The following PIEZO2 variants were observed in gnomAD, a reference collection of about 807,000 sequenced individuals.
PIEZO2 encodes piezo-type mechanosensitive ion channel component 2.
PIEZO2 carries 172 observed loss-of-function variants against 337.3 expected under a neutral mutation model. The ratio of observed to expected loss-of-function variants is 0.51; its 90% CI spans 0.45 to 0.58. PIEZO2 has a LOEUF of 0.58. PIEZO2 is among the 20% of genes least tolerant of loss of function. The pLI, the probability that PIEZO2 is intolerant of heterozygous loss-of-function variation, is 0.00. For synonymous variants in PIEZO2, 1,251 were observed against 1,228.5 expected (o/e 1.02, Z -0.38); for missense variants, 3,028 against 3,391.3 (o/e 0.89, Z 2.66).
intron 40 of PIEZO2, among the ~76,000 whole-genome samples, chr18:10,706,644 T>A (rs1450191004): frequency 6.6e-6 from 1 of 152,208 alleles, no homozygotes; most frequent in Non-Finnish European, 1.5e-5. Flanking sequence ...CTCATATCCT[T>A]TGTCTCCTTC....
At chr18:10,812,682 T>A (rs1386155052) in intron 7 of PIEZO2, among the ~76,000 whole-genome samples, 5 of 152,152 alleles carry the variant, frequency 3.3e-5, no homozygotes. Flanking sequence ...TCATTATAGC[T>A]GTCCCTCCAC....
chr18:11,017,433 C>G (rs1309368517), intron 2 of PIEZO2, among the ~76,000 whole-genome samples: 1 of 150,722 alleles, frequency 6.6e-6, no homozygotes, highest in Non-Finnish European at 1.5e-5. Flanking sequence ...ACAATAAACA[C>G]AATCTTTATG....
chr18:10,923,403 T>A (rs2031541070), intron 3 of PIEZO2, among the ~76,000 whole-genome samples: 1 of 152,180 alleles, frequency 6.6e-6, no homozygotes, highest in South Asian at 2.1e-4. Flanking sequence ...GTACTCCACC[T>A]CCAGGGATGT....
In PIEZO2 at chr18:10,681,558, C is replaced by T. The variant is rs62093957; in HGVS notation, c.7779+103G>A. Reference sequence around the variant, plus strand: ...TGTAACTGATAAACCCTGAAAAGTCCTCCTTCCCACCACCTCAGGCCATGG... The same window carrying T: ...TGTAACTGATAAACCCTGAAAAGTCTTCCTTCCCACCACCTCAGGCCATGG... On this transcript the variant is annotated intron_variant, in intron 51 of 55. Coordinates refer to ENST00000674853, the MANE Select transcript of PIEZO2 (RefSeq NM_001378183.1). 0.016 allele frequency: 15,034 copies of T among 927,288 alleles called. 207 individuals are homozygous for T. The highest frequency in any genetic ancestry group is 0.044 in the Middle Eastern group (199 of 4,544). The allele number at this position is 927,288 out of a possible 1,614,324, so 57.4% of individuals were successfully genotyped here.
Position 10,812,715 on chromosome 18 carries a change from AC to A in PIEZO2, c.918-5442del, listed in dbSNP as rs1433116336. On this transcript the variant is annotated intron_variant, in intron 7 of 55. Coordinates refer to ENST00000674853, the MANE Select transcript of PIEZO2 (RefSeq NM_001378183.1). ...CACTCCTCACGGAGCACTTACTTGC[AC>A]GCTTTTCTCTCTCTCTGAAGCACTC... 5.9e-5 allele frequency among the ~76,000 whole-genome samples: 9 copies of A among 152,074 alleles called. No homozygotes were observed. In the East Asian group the frequency reaches 1.8e-3, roughly 30 times the overall value.
chr18:10,717,922 T>G (rs755690287), intron 37 of PIEZO2, among the ~76,000 whole-genome samples: 4 of 152,220 alleles, frequency 2.6e-5, no homozygotes, highest in Non-Finnish European at 5.9e-5. Flanking sequence ...ATTAAGAATT[T>G]GCTCCCTAAA....
chr18:10,681,664 G>A lies in PIEZO2; in HGVS notation c.7776C>T (p.Asp2592=). 1 of 1,583,612 alleles carries A rather than the reference G, an allele frequency of 6.3e-7. No homozygotes were observed. The highest frequency in any genetic ancestry group is 8.7e-7 in the Non-Finnish European group (1 of 1,152,452). Residue 2592 remains aspartate, a synonymous_variant, in exon 51 of 56, where the codon GAC becomes GAT. Transcript: ENST00000674853. ...FNKFIQAFSR[D]TGAMQFLENY... is the part of the protein sequence containing the mutation. ...TCTACTATAGGGATTTACTTACGGT[G>A]TCCCTAGAAAAAGCTTGTATAAATT...
chr18:10,720,394 TG>T lies in PIEZO2; in HGVS notation c.5030-2136del. On this transcript the variant is annotated intron_variant, in intron 36 of 55. Coordinates refer to ENST00000674853, the MANE Select transcript of PIEZO2 (RefSeq NM_001378183.1). The stretch of plus-strand genomic sequence containing the variant: ...GTGTGTGTGTGTGTGTGTGTGTGTG[TG>T]TGTGTGTGTATGTGTATGTGTATGT... Among the ~76,000 whole-genome samples the T allele has an allele frequency of 1.2e-4, 3 of 24,128 alleles. 1 individual carries two copies. Among genetic ancestry groups the T allele is most frequent in the East Asian group, 2.1e-3 (2 of 964 alleles). 15.8% of individuals were successfully genotyped at this position (24,128 alleles called of 152,430 possible).
rs868218646 is a variant in PIEZO2 at position 11,019,981 on chromosome 18, G to A, written c.161-40321C>T. Among the ~76,000 whole-genome samples, 14 of 152,310 alleles carry A rather than the reference G, an allele frequency of 9.2e-5. No homozygotes were observed. The South Asian group carries it at 2.7e-3, about 29-fold the overall frequency. ...CATGTACAATAAGTGTTTGTGTAAT[G>A]AGTGCATGAACTCTCTTGGGGATGA... On this transcript the variant is annotated intron_variant, in intron 2 of 55. Transcript: ENST00000674853.
intron 3 of PIEZO2, among the ~76,000 whole-genome samples, chr18:10,960,249 T>C (rs264192): frequency 0.49 from 75,101 of 151,972 alleles, 18,753 homozygotes; most frequent in Non-Finnish European, 0.51. Flanking sequence ...TTTTAAATAT[T>C]TTAAATGTAG....
At chr18:11,100,932 T>C (rs2039403607) in intron 1 of PIEZO2, among the ~76,000 whole-genome samples, 3 of 152,178 alleles carry the variant, frequency 2.0e-5, no homozygotes, top group African/African-American at 2.4e-5. Flanking sequence ...CAAATGCCTT[T>C]CAATGCCTGG....
intron 7 of PIEZO2, among the ~76,000 whole-genome samples, chr18:10,845,003 A>C (rs1429965560): frequency 1.3e-5 from 2 of 152,168 alleles, no homozygotes; most frequent in African/African-American, 4.8e-5. Context: ...CTATATTTAC[A>C]TGTTATTATA....
Position 10,726,988 on chromosome 18 carries a change from G to A in PIEZO2, c.5029+4419C>T. ...AGGCCCTGGACAGAAGCTCCAGATA[G>A]GCCCCCAGAACATGAAGCTGTTTGC... On this transcript the variant is annotated intron_variant, in intron 36 of 55. Transcript: ENST00000674853. The surrounding 1 kb of genome is among the most constrained non-coding windows in gnomAD (Gnocchi z 5.9). The A allele has an allele frequency of 1.8e-6, 2 of 1,117,368 alleles. No individual in the cohort carries two copies. Among genetic ancestry groups the A allele is most frequent in the South Asian group, 1.6e-5 (1 of 61,792 alleles). 69.2% of individuals were successfully genotyped at this position (1,117,368 alleles called of 1,614,324 possible).
intron 4 of PIEZO2, among the ~76,000 whole-genome samples, chr18:10,891,021 G>A (rs996413630): frequency 3.7e-4 from 56 of 152,082 alleles, no homozygotes; most frequent in Admixed American, 1.3e-4. Context: ...ATCACGTGTT[G>A]TACCAGATCA....
At position 10,716,882 on chromosome 18, in the gene PIEZO2, T is replaced by A. The variant is rs1042794920; in HGVS notation, c.5090-1066A>T. Among the ~76,000 whole-genome samples the A allele has an allele frequency of 2.0e-5, 3 of 152,184 alleles. No individual in the cohort carries two copies. The highest frequency in any genetic ancestry group is 4.4e-5 in the Non-Finnish European group (3 of 68,030). ...TAGAAATGATGAAGGTGAACATTAT[T>A]ACGGCGTGGTTTTGCTACAGTGGGC... On this transcript the variant is annotated intron_variant, in intron 37 of 55. Transcript: ENST00000674853. The surrounding 1 kb of genome is among the most constrained non-coding windows in gnomAD (Gnocchi z 4.1).
At chr18:10,974,352 T>C (rs1214606878) in intron 3 of PIEZO2, among the ~76,000 whole-genome samples, 1 of 152,152 alleles carries the variant, frequency 6.6e-6, no homozygotes, top group Admixed American at 6.5e-5. Flanking sequence ...ATGCCCCTCC[T>C]CCCACAGGGG....
At chr18:10,994,856 C>T (rs1371985273) in intron 2 of PIEZO2, among the ~76,000 whole-genome samples, 36 of 151,794 alleles carry the variant, frequency 2.4e-4, no homozygotes, top group Admixed American at 5.2e-4. Flanking sequence ...CCAAAGCGGG[C>T]GGATCACCTG....
In PIEZO2 at chr18:10,899,573, G is replaced by T. The variant is rs541061184; in HGVS notation, c.329+11613C>A. ...GAGCTAATTTCAGACTTGCACGTAG[G>T]ATGCAGAACAAATAAGAAATATGAA... is the stretch of plus-strand genomic sequence containing the variant. On this transcript the variant is annotated intron_variant, in intron 4 of 55. Transcript: ENST00000674853. The surrounding 1 kb of genome is among the most constrained non-coding windows in gnomAD (Gnocchi z 4.6). Among the ~76,000 whole-genome samples, 5 of 152,214 alleles carry T rather than the reference G, an allele frequency of 3.3e-5. No homozygotes were observed. Among genetic ancestry groups the T allele is most frequent in the Non-Finnish European group, 7.4e-5 (5 of 68,004 alleles).
chr18:10,684,155 CTTTTTTTTTTTTTTTTTTT>C (rs71169941), intron 49 of PIEZO2, among the ~76,000 whole-genome samples: 2 of 61,396 alleles, frequency 3.3e-5, no homozygotes, highest in Non-Finnish European at 5.5e-5. Flanking sequence ...TGTCTTTCCT[CTTTTTTTTTTTTTTTTTTT>C]TTTTTTTTTG....
Sources: gnomAD v4.1 joint callset for allele counts (sites outside exome capture counted in the v4.1 genomes callset) on GRCh38, gnomAD v4.1.1 for gene constraint, Gnocchi (gnomAD v3.1) non-coding constraint, MANE v1.5 for transcripts, NCBI Gene and HGNC (gene_info 2026-07-23, HGNC 2026-07-21) for gene names.